Variants in TNKS observed in about 807,000 individuals in gnomAD.
TNKS encodes the protein tankyrase.
Under a neutral mutation model 135.8 loss-of-function variants are expected in TNKS, and 72 were observed. The observed-to-expected ratio is 0.53, with a 90% CI of 0.44 to 0.64. The LOEUF (loss-of-function observed/expected upper bound fraction) is 0.64, where lower values mean the gene tolerates loss of function less well. Ranked by LOEUF, TNKS falls within the 30% of genes least tolerant of loss-of-function variation. TNKS has a pLI of 0.00. For missense variants in TNKS, 1,769 were observed against 1,674.0 expected (o/e 1.06, Z -0.99); for synonymous variants, 849 against 649.3 (o/e 1.31, Z -4.68).
intron 21 of TNKS, 73 bp downstream of exon 21, chr8:9,761,709 A>G: frequency 6.7e-7 from 1 of 1,489,848 alleles, no homozygotes; most frequent in Non-Finnish European, 9.0e-7. Context: ...TGATAATTGA[A>G]CTCAGGCAGT....
intron 17 of TNKS, among the ~76,000 whole-genome samples, chr8:9,740,437 C>T (rs957654742): frequency 6.6e-6 from 1 of 152,198 alleles, no homozygotes; most frequent in Non-Finnish European, 1.5e-5. Context: ...CTACCGCCTT[C>T]TCCCTGGCCC....
chr8:9,688,207 G>C (rs1452416201), intron 5 of TNKS, among the ~76,000 whole-genome samples: 2 of 152,152 alleles, frequency 1.3e-5, no homozygotes, highest in African/African-American at 4.8e-5. Context: ...TGAACAGACT[G>C]TTCAGTTAAT....
chr8:9,768,617 TCTC>T (rs1181824678), intron 25 of TNKS, among the ~76,000 whole-genome samples: 1 of 152,172 alleles, frequency 6.6e-6, no homozygotes, highest in Non-Finnish European at 1.5e-5. Flanking sequence ...TCCCACGTCA[TCTC>T]CTGCCTCGGC....
chr8:9,567,560 C>T (rs1207304496), intron 1 of TNKS, among the ~76,000 whole-genome samples: 8 of 152,124 alleles, frequency 5.3e-5, no homozygotes, highest in East Asian at 1.9e-4. Flanking sequence ...GGACTACAGG[C>T]GCCCGCCACC....
At chr8:9,662,055 C>T (rs866403757) in intron 3 of TNKS, among the ~76,000 whole-genome samples, 2 of 152,214 alleles carry the variant, frequency 1.3e-5, no homozygotes, top group African/African-American at 4.8e-5. Context: ...TCTCACACAC[C>T]TGTTAGAATG....
At chr8:9,727,920 A>G (rs908608063) in intron 13 of TNKS, among the ~76,000 whole-genome samples, 1 of 152,212 alleles carries the variant, frequency 6.6e-6, no homozygotes, top group Non-Finnish European at 1.5e-5. Context: ...CTAAAACTGT[A>G]CATTTTTTCT....
chr8:9,741,052 C>G (rs1805932553), intron 17 of TNKS: 1 of 151,984 alleles, frequency 6.6e-6, no homozygotes, highest in South Asian at 2.1e-4. Context: ...ACCTCGTGAT[C>G]CGCCTGCCTC....
At chr8:9,658,406 TC>T in intron 3 of TNKS, 1 of 1,304,292 alleles carries the variant, frequency 7.7e-7, no homozygotes, top group South Asian at 1.5e-5. Flanking sequence ...CCCGCTGAAC[TC>T]CATCCTCCCG....
chr8:9,585,106 G>C (rs911417051), intron 2 of TNKS, among the ~76,000 whole-genome samples: 55 of 151,908 alleles, frequency 3.6e-4, no homozygotes, highest in African/African-American at 1.3e-3. Flanking sequence ...GTATAAAGTG[G>C]GGAAGAAATT....
chr8:9,618,853 T>G (rs1799751934), intron 3 of TNKS, among the ~76,000 whole-genome samples: 1 of 152,210 alleles, frequency 6.6e-6, no homozygotes, highest in Non-Finnish European at 1.5e-5. Context: ...CTGTCTTATT[T>G]CTCTTTAATC....
intron 3 of TNKS, among the ~76,000 whole-genome samples, chr8:9,668,201 T>C (rs924055966): frequency 2.0e-5 from 3 of 152,232 alleles, no homozygotes; most frequent in African/African-American, 7.2e-5. Flanking sequence ...CTTTCGGAGA[T>C]TTACCATTGG....
intron 13 of TNKS, 115 bp from the exon 14 acceptor site, chr8:9,730,775 A>AT: frequency 1.7e-6 from 2 of 1,201,418 alleles, no homozygotes; most frequent in South Asian, 1.6e-5. Flanking sequence ...GGAAATAAAT[A>AT]TTCATTAGAC....
At chr8:9,726,540 A>G in intron 12 of TNKS, 101 bp from the exon 13 acceptor site, 1 of 773,438 alleles carries the variant, frequency 1.3e-6, no homozygotes, top group Non-Finnish European at 2.0e-6. Context: ...CTCCTGAACT[A>G]CTTTGCAATC....
chr8:9,772,815 GTGTGTGTGTGTGTGTC>G lies in TNKS; in HGVS notation c.3897+2569_3897+2584del, dbSNP rs1173091430. Reference sequence around the variant, plus strand: ...AGAATGTGTGTGTGTGTGTTTGTGTGTGTGTGTGTGTGTGTCTGTGTGTGTGTGTGTGTGTGTGTGT... The same window carrying G: ...AGAATGTGTGTGTGTGTGTTTGTGTGTGTGTGTGTGTGTGTGTGTGTGTGT... On this transcript the variant is annotated intron_variant, in intron 26 of 26. Coordinates refer to ENST00000310430, the MANE Select transcript of TNKS (RefSeq NM_003747.3). 6.3e-3 allele frequency among the ~76,000 whole-genome samples: 471 copies of G among 74,592 alleles called. 6 individuals are homozygous for G. The highest frequency in any genetic ancestry group is 0.052 in the South Asian group (112 of 2,134). 48.9% of individuals were successfully genotyped at this position (74,592 alleles called of 152,430 possible).
chr8:9,613,011 T>C (rs1278122253), intron 2 of TNKS, among the ~76,000 whole-genome samples: 6 of 152,132 alleles, frequency 3.9e-5, no homozygotes, highest in Non-Finnish European at 8.8e-5. Context: ...TTGAGTGGGC[T>C]GAGAAGGAGG....
chr8:9,702,689 A>T (rs1803865405), intron 5 of TNKS, among the ~76,000 whole-genome samples: 1 of 152,206 alleles, frequency 6.6e-6, no homozygotes, highest in Admixed American at 6.5e-5. Context: ...ATGTTTGATG[A>T]TAAAAAATTT....
intron 2 of TNKS, among the ~76,000 whole-genome samples, chr8:9,588,664 G>T (rs1798480560): frequency 6.6e-6 from 1 of 152,142 alleles, no homozygotes; most frequent in Non-Finnish European, 1.5e-5. Context: ...TGAAGACTAG[G>T]GCCCCAATAT....
intron 2 of TNKS, among the ~76,000 whole-genome samples, chr8:9,603,548 T>C (rs1799101627): frequency 6.6e-6 from 1 of 152,156 alleles, no homozygotes; most frequent in Non-Finnish European, 1.5e-5. Context: ...CTTCTAAACT[T>C]TTCTCCTGAC....
intron 20 of TNKS, among the ~76,000 whole-genome samples, chr8:9,752,898 G>A (rs1806622457): frequency 6.6e-6 from 1 of 150,604 alleles, no homozygotes; most frequent in South Asian, 2.1e-4. Context: ...CCAGGAGTTT[G>A]AAACTGCAGT....
Sources: gnomAD v4.1 joint callset for allele counts (sites outside exome capture counted in the v4.1 genomes callset) on GRCh38, gnomAD v4.1.1 for gene constraint, MANE v1.5 for transcripts, NCBI Gene and HGNC (gene_info 2026-07-23, HGNC 2026-07-21) for gene names.